Variants in UBA2 observed in about 807,000 individuals in gnomAD.
UBA2 encodes SUMO-activating enzyme subunit 2.
A neutral mutation model predicts 77.2 loss-of-function variants in UBA2; 11 were observed. That is an observed-to-expected ratio of 0.14 (90% CI 0.09 to 0.24). The LOEUF (loss-of-function observed/expected upper bound fraction) is 0.24, where lower values mean the gene tolerates loss of function less well. Ranked by LOEUF, UBA2 falls within the 10% of genes least tolerant of loss-of-function variation. The pLI is 1.00. For synonymous variants in UBA2, 278 were observed against 276.7 expected (o/e 1.00, Z -0.05); for missense variants, 487 against 781.7 (o/e 0.62, Z 4.50).
At chr19:34,450,635 C>G (rs1224816925) in intron 9 of UBA2, among the ~76,000 whole-genome samples, 1 of 151,772 alleles carries the variant, frequency 6.6e-6, no homozygotes, top group Non-Finnish European at 1.5e-5. Flanking sequence ...GATAAACTCT[C>G]ACTTGCTTTT....
At chr19:34,459,048 G>C (rs191280297) in intron 13 of UBA2, 124 bp downstream of exon 13, 1,084 of 1,072,134 alleles carry the variant, frequency 1.0e-3, no homozygotes, top group Middle Eastern at 1.7e-3. Context: ...GATTTCCTGG[G>C]TTATTTTGCC....
intron 16 of UBA2, 185 bp downstream of exon 16, chr19:34,467,199 G>A: frequency 1.5e-6 from 1 of 685,884 alleles, no homozygotes; most frequent in South Asian, 2.4e-5. Flanking sequence ...TGGGTGTGGT[G>A]GCTTACACCT....
intron 16 of UBA2, among the ~76,000 whole-genome samples, chr19:34,467,359 C>G (rs1370233801): frequency 6.6e-6 from 1 of 151,576 alleles, no homozygotes; most frequent in Non-Finnish European, 1.5e-5. Context: ...GTAGTCTCCG[C>G]TACTCAGGAG....
intron 9 of UBA2, among the ~76,000 whole-genome samples, chr19:34,451,262 G>A (rs1568377512): frequency 6.6e-6 from 1 of 152,088 alleles, no homozygotes; most frequent in African/African-American, 2.4e-5. Flanking sequence ...ACTGTATTAG[G>A]ATTAATTTAT....
intron 10 of UBA2, 37 bp downstream of exon 10, chr19:34,452,184 CA>C: frequency 6.7e-7 from 1 of 1,491,378 alleles, no homozygotes; most frequent in Non-Finnish European, 9.1e-7. Context: ...ACTTACATGT[CA>C]AAAGTGTGTT....
At chr19:34,438,531 C>A in intron 5 of UBA2, 114 bp from the exon 6 acceptor site, 1 of 1,323,126 alleles carries the variant, frequency 7.6e-7, no homozygotes, top group East Asian at 2.4e-5. Context: ...TTTAAAATTT[C>A]CTTGACAACG....
chr19:34,457,595 G>A (rs2075582418), intron 12 of UBA2, among the ~76,000 whole-genome samples: 1 of 152,088 alleles, frequency 6.6e-6, no homozygotes, highest in African/African-American at 2.4e-5. Context: ...CCACCTACCA[G>A]TATTCATTGT....
chr19:34,435,782 A>G (rs1252291057), intron 5 of UBA2, among the ~76,000 whole-genome samples: 2 of 151,428 alleles, frequency 1.3e-5, no homozygotes, highest in Non-Finnish European at 2.9e-5. Context: ...GTGAGCCAAG[A>G]TGGCACCACA....
In UBA2 at chr19:34,458,877, G is replaced by T; in HGVS notation, c.1354G>T (p.Val452Leu). Residue 452 changes from valine (V) to leucine (L), a missense_variant, in exon 13 of 17, where the codon GTG (valine) becomes TTG (leucine). Physicochemically the swap from Val to Leu is conservative, Grantham distance 32. Transcript: ENST00000246548. ...ATGTGCCAGCAAGCCAGAGGTGACT[G>T]TGCGGCTGAATGTCCATAAAGTGAC... is the stretch of plus-strand genomic sequence containing the variant. ...YVCASKPEVT[V>L]RLNVHKVTVL... 1.2e-6 allele frequency: 2 copies of T among 1,614,130 alleles called. No individual in the cohort carries two copies. Among genetic ancestry groups the T allele is most frequent in the East Asian group, 2.2e-5 (1 of 44,876 alleles).
At chr19:34,453,973 C>T (rs1440119974) in intron 10 of UBA2, among the ~76,000 whole-genome samples, 1 of 152,096 alleles carries the variant, frequency 6.6e-6, no homozygotes, top group East Asian at 1.9e-4. Flanking sequence ...AACTGAGTCT[C>T]CGGTGCCTTT....
chr19:34,445,430 C>T (rs1013300228), intron 8 of UBA2, among the ~76,000 whole-genome samples: 59 of 133,850 alleles, frequency 4.4e-4, no homozygotes, highest in African/African-American at 1.5e-3. Context: ...TGCTTCTCAT[C>T]TTCACTTTTT....
At position 34,470,572 on chromosome 19, in the gene UBA2, G is replaced by C. The variant is rs2075726749; in HGVS notation, c.*1351G>C. 6.6e-6 allele frequency: 1 copy of C among 152,202 alleles called. No individual in the cohort carries two copies. The highest frequency in any genetic ancestry group is 2.4e-5 in the African/African-American group (1 of 41,444). 9.4% of individuals were successfully genotyped at this position (152,202 alleles called of 1,614,324 possible). On this transcript the variant is annotated 3_prime_UTR_variant, in exon 17 of 17. Transcript: ENST00000246548. ...AAGCCTCACACTGTCATCTGGCCTG[G>C]AGTGCAGTGGCGCGATCCTGGCTCA...
intron 3 of UBA2, 167 bp downstream of exon 3, chr19:34,432,098 T>G: frequency 2.0e-6 from 1 of 492,260 alleles, no homozygotes; most frequent in Non-Finnish European, 3.6e-6. Flanking sequence ...CATAAATACA[T>G]GGTTTGAATG....
intron 10 of UBA2, among the ~76,000 whole-genome samples, chr19:34,452,545 C>G (rs1015629911): frequency 6.6e-6 from 1 of 152,130 alleles, no homozygotes; most frequent in African/African-American, 2.4e-5. Flanking sequence ...ATAGTTATTA[C>G]TATTTCAGAG....
chr19:34,441,946 A>C (rs890241810), intron 6 of UBA2, among the ~76,000 whole-genome samples: 5 of 141,532 alleles, frequency 3.5e-5, no homozygotes, highest in Non-Finnish European at 7.9e-5. Context: ...AAAAAAAAAG[A>C]TAATGTGGCC....
rs1599896915 is a variant in UBA2 at position 34,439,188 on chromosome 19, C to G, written c.581+422C>G. 2.9e-5 allele frequency among the ~76,000 whole-genome samples: 4 copies of G among 136,924 alleles called. 1 individual carries two copies. 89.8% of individuals were successfully genotyped at this position (136,924 alleles called of 152,430 possible). On this transcript the variant is annotated intron_variant, in intron 6 of 16. Transcript: ENST00000246548. ...GCGCCACTGCACTCCAGCTTGGCAA[C>G]AGAGTGAGAATTTGTCTCAAAAAAA... is the stretch of plus-strand genomic sequence containing the variant.
intron 8 of UBA2, among the ~76,000 whole-genome samples, chr19:34,450,037 A>G (rs1465586679): frequency 6.6e-6 from 1 of 152,080 alleles, no homozygotes; most frequent in Non-Finnish European, 1.5e-5. Flanking sequence ...GGGCTCCTTT[A>G]CTCTGCATTC....
chr19:34,457,179 AATATAT>A lies in UBA2; in HGVS notation c.1246-1560_1246-1555del, dbSNP rs766043321. On this transcript the variant is annotated intron_variant, in intron 12 of 16. Coordinates refer to ENST00000246548, the MANE Select transcript of UBA2 (RefSeq NM_005499.3). The stretch of plus-strand genomic sequence containing the variant: ...CCTGGTCTCTACTAAAAAAAAAAAA[AATATAT>A]ATATATATATATATATATATATATA... Among the ~76,000 whole-genome samples the A allele has an allele frequency of 4.9e-3, 262 of 53,234 alleles. 4 individuals are homozygous for A. The highest frequency in any genetic ancestry group is 0.029 in the African/African-American group (248 of 8,540). 34.9% of individuals were successfully genotyped at this position (53,234 alleles called of 152,430 possible). A position where few individuals can be genotyped will look rare whatever the true frequency, so the allele number is the denominator to read the frequency against.
At position 34,466,858 on chromosome 19, in the gene UBA2, C is replaced by G; in HGVS notation, c.1605-20C>G. On this transcript the variant is annotated intron_variant, in intron 15 of 16. Coordinates refer to ENST00000246548, the MANE Select transcript of UBA2 (RefSeq NM_005499.3). ...GCTTTCTAAATAGTCATAGCAGTGA[C>G]CTGTGTGATTCTCCTACAGTGAAGA... 1 of 1,611,012 alleles carries G rather than the reference C, an allele frequency of 6.2e-7. No homozygotes were observed. The highest frequency in any genetic ancestry group is 8.5e-7 in the Non-Finnish European group (1 of 1,178,914).
Sources: gnomAD v4.1 joint callset for allele counts (sites outside exome capture counted in the v4.1 genomes callset) on GRCh38, gnomAD v4.1.1 for gene constraint, MANE v1.5 for transcripts, NCBI Gene and HGNC (gene_info 2026-07-23, HGNC 2026-07-21) for gene names.